The following SLC39A11 variants were observed in gnomAD, a reference collection of about 807,000 sequenced individuals.
SLC39A11 encodes solute carrier family 39 member 11, also known as zinc transporter ZIP11.
A neutral mutation model predicts 36.1 loss-of-function variants in SLC39A11; 33 were observed. That is an observed-to-expected ratio of 0.91 (90% CI 0.69 to 1.22). The LOEUF (loss-of-function observed/expected upper bound fraction) is 1.22, where lower values mean the gene tolerates loss of function less well. Among genes scored for constraint, SLC39A11 ranks in the 50% most tolerant of loss-of-function variants. SLC39A11 has a pLI of 0.00. For missense variants in SLC39A11, 432 were observed against 430.3 expected, an observed-to-expected ratio of 1.00 and a Z score of -0.03; for synonymous variants, 166 against 170.3, an observed-to-expected ratio of 0.97 and a Z score of 0.20.
intron 6 of SLC39A11, among the ~76,000 whole-genome samples, chr17:72,777,672 G>A (rs1235678833): frequency 2.0e-5 from 3 of 152,126 alleles, no homozygotes; most frequent in Non-Finnish European, 4.4e-5. Flanking sequence ...GGAGAAGCAT[G>A]GCCCTGTGGA....
At position 72,673,668 on chromosome 17, in the gene SLC39A11, T is replaced by C. The variant is rs77552261; in HGVS notation, c.672-24400A>G. On this transcript the variant is annotated intron_variant, in intron 7 of 9. Transcript: ENST00000255559. ...TGTAATACAACTTAGTTTCATTTGT[T>C]ACTGCTTGTATTCCATTTGGGCTCC... Among the ~76,000 whole-genome samples, 264 of 152,370 alleles carry C rather than the reference T, an allele frequency of 1.7e-3. 1 individual carries two copies. The highest frequency in any genetic ancestry group is 5.9e-3 in the African/African-American group (245 of 41,598).
intron 7 of SLC39A11, 124 bp downstream of exon 7, chr17:72,736,526 G>A (rs1351731289): frequency 6.2e-6 from 5 of 805,344 alleles, no homozygotes; most frequent in Non-Finnish European, 1.1e-5. Flanking sequence ...GCCTCCATCA[G>A]TCTTGGTCCT....
At chr17:72,805,834 C>T (rs1040332093) in intron 6 of SLC39A11, among the ~76,000 whole-genome samples, 33 of 151,694 alleles carry the variant, frequency 2.2e-4, no homozygotes, top group African/African-American at 6.3e-4. Context: ...CTGCAACCTC[C>T]GCCTCCTGGG....
intron 5 of SLC39A11, among the ~76,000 whole-genome samples, chr17:72,916,382 C>T (rs1188549447): frequency 6.7e-6 from 1 of 149,330 alleles, no homozygotes; most frequent in African/African-American, 2.4e-5. Flanking sequence ...CACGGTTCCT[C>T]CAATGAGCAC....
At chr17:72,895,431 C>T (rs574356239) in intron 5 of SLC39A11, among the ~76,000 whole-genome samples, 2 of 152,182 alleles carry the variant, frequency 1.3e-5, no homozygotes, top group African/African-American at 4.8e-5. Flanking sequence ...ACACAAAAAT[C>T]AGCTGGGCAT....
intron 5 of SLC39A11, among the ~76,000 whole-genome samples, chr17:72,918,334 G>A (rs529608242): frequency 1.4e-4 from 22 of 152,280 alleles, no homozygotes; most frequent in Admixed American, 1.2e-3. Flanking sequence ...GCTTGAACCC[G>A]GGAGGTGGAG....
chr17:72,682,090 G>A (rs554370325), intron 7 of SLC39A11, among the ~76,000 whole-genome samples: 4 of 152,128 alleles, frequency 2.6e-5, no homozygotes, highest in Non-Finnish European at 5.9e-5. Flanking sequence ...GAACCCTATC[G>A]TGAACCGCAC....
intron 5 of SLC39A11, among the ~76,000 whole-genome samples, chr17:72,857,992 T>C (rs2079747349): frequency 6.6e-6 from 1 of 152,244 alleles, no homozygotes; most frequent in Non-Finnish European, 1.5e-5. Context: ...AGATCCCATA[T>C]GTCAATTTTC....
At chr17:72,787,673 A>G (rs560853484) in intron 6 of SLC39A11, among the ~76,000 whole-genome samples, 23 of 152,266 alleles carry the variant, frequency 1.5e-4, no homozygotes, top group African/African-American at 4.3e-4. Context: ...TCAGCCAACA[A>G]ATGTCTGTGG....
intron 4 of SLC39A11, among the ~76,000 whole-genome samples, chr17:72,999,908 G>A (rs1456645168): frequency 2.0e-5 from 3 of 151,638 alleles, no homozygotes; most frequent in Non-Finnish European, 4.4e-5. Flanking sequence ...ACCTGGCTAA[G>A]TTTTGTATTT....
In SLC39A11 at chr17:72,903,426, G is replaced by T. The variant is rs74926571; in HGVS notation, c.430+44326C>A. On this transcript the variant is annotated intron_variant, in intron 5 of 9. Coordinates refer to ENST00000255559, the MANE Select transcript of SLC39A11 (RefSeq NM_139177.4). ...AGGCACAACTCCATCTATAATACTCGCTAGTTCCTAAGACCCCGATTCAGA... is the reference window on the plus strand; with the variant it reads ...AGGCACAACTCCATCTATAATACTCTCTAGTTCCTAAGACCCCGATTCAGA... Among the ~76,000 whole-genome samples, 140 of 152,192 alleles carry T rather than the reference G, an allele frequency of 9.2e-4. 3 individuals are homozygous for T. The East Asian group carries it at 0.025, about 27-fold the overall frequency.
intron 4 of SLC39A11, among the ~76,000 whole-genome samples, chr17:73,000,390 G>C (rs1372521409): frequency 6.6e-6 from 1 of 150,762 alleles, no homozygotes; most frequent in Non-Finnish European, 1.5e-5. Context: ...CTCTCTCTCT[G>C]ATGCTGGCTG....
chr17:73,024,603 C>T (rs1050736600), intron 4 of SLC39A11, among the ~76,000 whole-genome samples: 1 of 152,146 alleles, frequency 6.6e-6, no homozygotes, highest in Non-Finnish European at 1.5e-5. Flanking sequence ...GGGAGGAAAA[C>T]TGCCTCTTGG....
At chr17:73,055,303 G>A (rs1376965518) in intron 3 of SLC39A11, among the ~76,000 whole-genome samples, 1 of 152,178 alleles carries the variant, frequency 6.6e-6, no homozygotes, top group African/African-American at 2.4e-5. Flanking sequence ...GGCTCTCAAA[G>A]GAAGCAGAGG....
intron 7 of SLC39A11, among the ~76,000 whole-genome samples, chr17:72,701,329 A>T (rs1190050685): frequency 2.6e-5 from 4 of 152,176 alleles, no homozygotes; most frequent in Non-Finnish European, 4.4e-5. Flanking sequence ...GAGGGCACAC[A>T]AGGACGTGGT....
Position 72,884,603 on chromosome 17 carries a change from T to A in SLC39A11, c.431-34799A>T, listed in dbSNP as rs143582198. On this transcript the variant is annotated intron_variant, in intron 5 of 9. Coordinates refer to ENST00000255559, the MANE Select transcript of SLC39A11 (RefSeq NM_139177.4). ...TGGTTCTAAACTATCATGTTCAGTA[T>A]CTTAAGGACCAGACTATATTACTAT... is the stretch of plus-strand genomic sequence containing the variant. Among the ~76,000 whole-genome samples the A allele has an allele frequency of 3.8e-3, 584 of 152,326 alleles. 4 individuals carry two copies. Among genetic ancestry groups the A allele is most frequent in the Admixed American group, 7.7e-3 (118 of 15,302 alleles).
intron 7 of SLC39A11, among the ~76,000 whole-genome samples, chr17:72,717,187 A>G (rs1398694932): frequency 1.3e-5 from 2 of 150,246 alleles, no homozygotes; most frequent in African/African-American, 4.9e-5. Flanking sequence ...AATTTTAAAA[A>G]ATTTAAAAAG....
rs879771992 is a variant in SLC39A11, at chr17:73,004,212, AAAG to A, written c.306+27341_306+27343del. 7.5e-3 allele frequency among the ~76,000 whole-genome samples: 977 copies of A among 131,022 alleles called. 55 individuals are homozygous for A. The highest frequency in any genetic ancestry group is 0.011 in the Admixed American group (142 of 12,620). The allele number at this position is 131,022 out of a possible 152,430, so 86.0% of individuals were successfully genotyped here. A position where few individuals can be genotyped will look rare whatever the true frequency, so the allele number is the denominator to read the frequency against. On this transcript the variant is annotated intron_variant, in intron 4 of 9. Transcript: ENST00000255559. ...GAAAGAAAGAAAGAAAGAAAGAAAG[AAAG>A]AAAGAAAGAAAGAAAGAAAAGAAAG... is the stretch of plus-strand genomic sequence containing the variant.
At chr17:73,035,842 T>TGACA (rs1225135293) in intron 3 of SLC39A11, among the ~76,000 whole-genome samples, 22 of 113,834 alleles carry the variant, frequency 1.9e-4, no homozygotes, top group African/African-American at 7.7e-4. Flanking sequence ...CCAGCCTGGG[T>TGACA]GACAGAGCGA....
Sources: allele counts gnomAD v4.1 joint callset (sites outside exome capture counted in the v4.1 genomes callset), GRCh38; gene constraint gnomAD v4.1.1; transcripts MANE v1.5; gene names NCBI Gene and HGNC (gene_info 2026-07-23, HGNC 2026-07-21).